OSBPL10: variants seen among roughly 807,000 people sequenced by gnomAD.
OSBPL10 encodes the protein oxysterol-binding protein-related protein 10.
A neutral mutation model predicts 81.7 loss-of-function variants in OSBPL10; 49 were observed. The ratio of observed to expected loss-of-function variants is 0.60; its 90% CI spans 0.48 to 0.76. OSBPL10 has a LOEUF of 0.76. Ranked by LOEUF, OSBPL10 falls within the 30% of genes least tolerant of loss-of-function variation. The probability of loss-of-function intolerance (pLI) is 0.00; values close to 1 mark genes in which losing one functional copy is unlikely to be tolerated. For synonymous variants in OSBPL10, 419 were observed against 383.6 expected, an observed-to-expected ratio of 1.09 and a Z score of -1.08; for missense variants, 923 against 987.8, an observed-to-expected ratio of 0.93 and a Z score of 0.88.
chr3:31,876,292 G>T, intron 3 of OSBPL10, 141 bp downstream of exon 3: 1 of 670,502 alleles, frequency 1.5e-6, no homozygotes. Flanking sequence ...AAATTTATGT[G>T]CAGCAGGACA....
chr3:31,759,481 G>T (rs1575526261), intron 4 of OSBPL10, among the ~76,000 whole-genome samples: 1 of 152,094 alleles, frequency 6.6e-6, no homozygotes, highest in Admixed American at 6.6e-5. Context: ...CATAGAAAAA[G>T]AAATCAAATA....
In OSBPL10 at chr3:31,801,396, A is replaced by G. The variant is rs916263993; in HGVS notation, c.729+28644T>C. Among the ~76,000 whole-genome samples, 7 of 152,322 alleles carry G rather than the reference A, an allele frequency of 4.6e-5. 2 individuals carry two copies. The highest frequency in any genetic ancestry group is 1.9e-4 in the East Asian group (1 of 5,182). On this transcript the variant is annotated intron_variant, in intron 4 of 11. Coordinates refer to ENST00000396556, the MANE Select transcript of OSBPL10 (RefSeq NM_017784.5). The stretch of plus-strand genomic sequence containing the variant: ...TTGGCTCAATCTGACAGAGTGGGTT[A>G]TAACCTCCTGTAACCCTTGCCCCAA...
At chr3:31,744,982 C>T (rs1228402704) in intron 5 of OSBPL10, among the ~76,000 whole-genome samples, 4 of 152,196 alleles carry the variant, frequency 2.6e-5, no homozygotes, top group South Asian at 2.1e-4. Flanking sequence ...AGTCTCCAGT[C>T]TCACTCCGAA....
intron 4 of OSBPL10, among the ~76,000 whole-genome samples, chr3:31,807,372 G>A (rs1699545619): frequency 8.4e-6 from 1 of 118,386 alleles, no homozygotes. Context: ...GACTGTCTCA[G>A]AAAAATAAAT....
Position 31,733,327 on chromosome 3 carries a change from C to T in OSBPL10, c.1025G>A (p.Ser342Asn). ...TAAAATTGCCCAGGTTATGTTGGCACTGGCTGATGGCAAAGAGCCAAGTGT... is the reference window on the plus strand; with the variant it reads ...TAAAATTGCCCAGGTTATGTTGGCATTGGCTGATGGCAAAGAGCCAAGTGT... ...NGTLGSLPSA[S>N]ANITWAILPN... The change falls in exon 6 of 12, where the codon AGT (serine) becomes AAT (asparagine). Residue 342 changes from serine (S) to asparagine (N), a missense_variant. Physicochemically the swap from Ser to Asn is conservative, Grantham distance 46 (BLOSUM62 1). Coordinates refer to ENST00000396556, the MANE Select transcript of OSBPL10 (RefSeq NM_017784.5). 4 of 1,613,560 alleles carry T rather than the reference C, an allele frequency of 2.5e-6. No homozygotes were observed. Among genetic ancestry groups the T allele is most frequent in the Non-Finnish European group, 2.5e-6 (3 of 1,179,908 alleles).
intron 6 of OSBPL10, chr3:31,718,630 T>C (rs1696530494): frequency 6.6e-6 from 1 of 152,236 alleles, no homozygotes; most frequent in Non-Finnish European, 1.5e-5. Context: ...ACTGAGAGTA[T>C]GTAACACTTT....
At chr3:31,882,836 T>C (rs1695623823) in intron 1 of OSBPL10, among the ~76,000 whole-genome samples, 1 of 152,240 alleles carries the variant, frequency 6.6e-6, no homozygotes, top group African/African-American at 2.4e-5. Context: ...GGGATCAGTA[T>C]CTGTTATAGC....
intron 4 of OSBPL10, among the ~76,000 whole-genome samples, chr3:31,819,293 C>T (rs902514510): frequency 3.3e-5 from 5 of 152,234 alleles, no homozygotes; most frequent in Admixed American, 2.0e-4. Flanking sequence ...CAGTTTGACA[C>T]ATCTGGGAAT....
chr3:31,856,845 G>A (rs1037243511), intron 3 of OSBPL10, among the ~76,000 whole-genome samples: 14 of 152,288 alleles, frequency 9.2e-5, no homozygotes, highest in African/African-American at 3.1e-4. Context: ...GGAGGCCAAG[G>A]TGGGAGGATC....
At chr3:31,702,289 T>C (rs199715269) in intron 7 of OSBPL10, 70 bp downstream of exon 7, 6 of 1,540,370 alleles carry the variant, frequency 3.9e-6, no homozygotes, top group Non-Finnish European at 5.3e-6. Context: ...AGAATGTGCA[T>C]AGAGAAGGCT....
In OSBPL10 at chr3:31,924,256, A is replaced by G. The variant is rs552987661; in HGVS notation, c.282-44426T>C. Among the ~76,000 whole-genome samples, 10 of 151,910 alleles carry G rather than the reference A, an allele frequency of 6.6e-5. No individual in the cohort carries two copies. In the South Asian group the frequency reaches 2.1e-3, roughly 32 times the overall value. ...AAAGAAAGAAAAGAAAAAAAGAAAT[A>G]TATTTGTCTCTTACGGCATTGACTC... is the stretch of plus-strand genomic sequence containing the variant. On this transcript the variant is annotated intron_variant, in intron 1 of 11. Transcript: ENST00000396556.
At chr3:31,993,055 G>A (rs35108900) in intron 2 of OSBPL10, among the ~76,000 whole-genome samples, 50,685 of 151,772 alleles carry the variant, frequency 0.33, 11,538 homozygotes, top group African/African-American at 0.64. Flanking sequence ...TATGGGTAAG[G>A]AAATGAAAGG....
chr3:31,804,889 G>A (rs1699484619), intron 4 of OSBPL10, among the ~76,000 whole-genome samples: 1 of 152,120 alleles, frequency 6.6e-6, no homozygotes. Context: ...AAATGGTCAA[G>A]GTCCTTACTT....
chr3:31,957,071 G>A (rs1698030294), intron 1 of OSBPL10, among the ~76,000 whole-genome samples: 1 of 152,030 alleles, frequency 6.6e-6, no homozygotes, highest in Admixed American at 6.5e-5. Flanking sequence ...GGAGGCAGAG[G>A]GTGCAGTGGG....
intron 3 of OSBPL10, among the ~76,000 whole-genome samples, chr3:31,846,498 C>T (rs1363747404): frequency 2.0e-5 from 3 of 151,896 alleles, no homozygotes; most frequent in Non-Finnish European, 4.4e-5. Context: ...TGGTGGTGGG[C>T]GCCTATAATC....
chr3:32,015,172 A>C (rs1018931112), intron 2 of OSBPL10, among the ~76,000 whole-genome samples: 1 of 152,182 alleles, frequency 6.6e-6, no homozygotes, highest in Admixed American at 6.5e-5. Context: ...AGCTGGAGGC[A>C]TCACACTACC....
chr3:31,743,291 G>A (rs181706530), intron 5 of OSBPL10, among the ~76,000 whole-genome samples: 1,698 of 151,974 alleles, frequency 0.011, 13 homozygotes, highest in African/African-American at 0.022. Context: ...CACCCGGCCC[G>A]GCCTCCCAAA....
chr3:31,831,753 G>T (rs1249074976), intron 3 of OSBPL10, among the ~76,000 whole-genome samples: 1 of 152,074 alleles, frequency 6.6e-6, no homozygotes, highest in Non-Finnish European at 1.5e-5. Context: ...CTGTCAACAG[G>T]GCCACAGAGA....
intron 1 of OSBPL10, among the ~76,000 whole-genome samples, chr3:31,884,091 G>T (rs1047608324): frequency 1.3e-5 from 2 of 152,114 alleles, no homozygotes; most frequent in South Asian, 4.1e-4. Context: ...CATTATTTAG[G>T]AGCTGGTATA....
Sources: gnomAD v4.1 joint callset for allele counts (sites outside exome capture counted in the v4.1 genomes callset) on GRCh38, gnomAD v4.1.1 for gene constraint, MANE v1.5 for transcripts, NCBI Gene and HGNC (gene_info 2026-07-23, HGNC 2026-07-21) for gene names.